The following SEC24D variants were observed in gnomAD, a reference collection of about 807,000 sequenced individuals.
SEC24D encodes protein transport protein Sec24D.
A neutral mutation model predicts 116.9 loss-of-function variants in SEC24D; 69 were observed. That is an observed-to-expected ratio of 0.59 (90% CI 0.49 to 0.72). The LOEUF is 0.72. SEC24D is among the 30% of genes least tolerant of loss of function. SEC24D has a pLI of 0.00. For missense variants in SEC24D, 1,131 were observed against 1,264.1 expected, an observed-to-expected ratio of 0.89 and a Z score of 1.60; for synonymous variants, 405 against 442.8, an observed-to-expected ratio of 0.91 and a Z score of 1.07.
At chr4:118,746,231 G>GGGCGGGAGGGAGGGCGGGCA (rs1726523429) in intron 13 of SEC24D, among the ~76,000 whole-genome samples, 1 of 114,486 alleles carries the variant, frequency 8.7e-6, no homozygotes, top group Non-Finnish European at 1.9e-5. Flanking sequence ...GGTTGGGGGA[G>GGGCGGGAGGGAGGGCGGGCA]GGAGGGAGGG....
At position 118,822,842 on chromosome 4, in the gene SEC24D, G is replaced by A. The variant is rs933179548; in HGVS notation, c.248+1778C>T. On this transcript the variant is annotated intron_variant, in intron 3 of 22. Transcript: ENST00000280551. ...CTCGTGTCAGCCTCCCAAAGTGTTGGGATTACAGATGTGAGCCACCACACC... is the reference window on the plus strand; with the variant it reads ...CTCGTGTCAGCCTCCCAAAGTGTTGAGATTACAGATGTGAGCCACCACACC... Among the ~76,000 whole-genome samples the A allele has an allele frequency of 4.7e-4, 72 of 152,004 alleles. 4 individuals are homozygous for A. Among genetic ancestry groups the A allele is most frequent in the Admixed American group, 2.0e-4 (3 of 15,264 alleles).
intron 8 of SEC24D, among the ~76,000 whole-genome samples, chr4:118,773,925 T>A (rs1728022829): frequency 6.6e-6 from 1 of 152,184 alleles, no homozygotes; most frequent in South Asian, 2.1e-4. Flanking sequence ...TAGAATTTTT[T>A]AAATACATGT....
chr4:118,817,147 T>C, intron 4 of SEC24D, 117 bp downstream of exon 4: 1 of 803,050 alleles, frequency 1.2e-6, no homozygotes, highest in East Asian at 2.6e-5. Context: ...AATGTCCAAA[T>C]ACTACTTCAA....
intron 10 of SEC24D, among the ~76,000 whole-genome samples, chr4:118,760,908 G>T (rs975485775): frequency 1.3e-4 from 20 of 151,524 alleles, no homozygotes; most frequent in Non-Finnish European, 2.2e-4. Flanking sequence ...TAGTAGAGAC[G>T]GGGTTTCACT....
intron 2 of SEC24D, chr4:118,825,301 T>C (rs938398909): frequency 5.4e-5 from 14 of 259,348 alleles, no homozygotes; most frequent in Non-Finnish European, 9.1e-5. Flanking sequence ...GGCTGGATGA[T>C]GAACAGCTGG....
At chr4:118,788,321 T>C (rs1578435673) in intron 8 of SEC24D, among the ~76,000 whole-genome samples, 1 of 152,226 alleles carries the variant, frequency 6.6e-6, no homozygotes, top group African/African-American at 2.4e-5. Flanking sequence ...TCTGGATTTA[T>C]GAGATAACAG....
intron 3 of SEC24D, among the ~76,000 whole-genome samples, chr4:118,823,156 A>G (rs964758181): frequency 5.3e-5 from 8 of 152,122 alleles, no homozygotes; most frequent in Non-Finnish European, 1.2e-4. Context: ...TTGCCTTTCT[A>G]TCACTCTTTT....
chr4:118,829,001 G>A (rs570812083), intron 2 of SEC24D, among the ~76,000 whole-genome samples: 4 of 152,098 alleles, frequency 2.6e-5, no homozygotes, highest in Non-Finnish European at 2.9e-5. Context: ...CATTCCCTCC[G>A]GGAAGGAGCC....
At chr4:118,780,270 A>C (rs1012446380) in intron 8 of SEC24D, among the ~76,000 whole-genome samples, 13 of 152,132 alleles carry the variant, frequency 8.5e-5, no homozygotes, top group African/African-American at 3.1e-4. Context: ...ACACTGCTTT[A>C]TATGTGTCCC....
chr4:118,729,169 T>C (rs1028076226), intron 21 of SEC24D: 1 of 152,490 alleles, frequency 6.6e-6, no homozygotes, highest in Non-Finnish European at 1.5e-5. Context: ...CAGGCTGGTC[T>C]TGAACGCCTG....
intron 10 of SEC24D, among the ~76,000 whole-genome samples, chr4:118,762,426 G>C (rs1422320522): frequency 6.6e-6 from 1 of 152,094 alleles, no homozygotes; most frequent in Non-Finnish European, 1.5e-5. Flanking sequence ...GCACCACATG[G>C]GTTCACCGTG....
intron 8 of SEC24D, among the ~76,000 whole-genome samples, chr4:118,783,795 T>C (rs1405788216): frequency 3.3e-5 from 5 of 152,208 alleles, no homozygotes; most frequent in Non-Finnish European, 7.4e-5. Flanking sequence ...TAGACACCTA[T>C]GGAAGCTATG....
At chr4:118,729,958 GTT>G (rs1170953601) in intron 21 of SEC24D, 1 of 152,156 alleles carries the variant, frequency 6.6e-6, no homozygotes, top group Non-Finnish European at 1.5e-5. Flanking sequence ...TCATGTATGT[GTT>G]TTAAAGTGCC....
At chr4:118,765,462 C>A (rs1425826828) in intron 9 of SEC24D, among the ~76,000 whole-genome samples, 1 of 152,164 alleles carries the variant, frequency 6.6e-6, no homozygotes, top group Admixed American at 6.5e-5. Flanking sequence ...AGCTAAGGAA[C>A]TTTAATTTGA....
intron 3 of SEC24D, among the ~76,000 whole-genome samples, chr4:118,820,732 T>C (rs929434905): frequency 6.6e-6 from 1 of 152,308 alleles, no homozygotes; most frequent in South Asian, 2.1e-4. Context: ...GTTTCTCATG[T>C]TGACTGCCTT....
In SEC24D at chr4:118,756,662, T is replaced by C. The variant is rs116512930; in HGVS notation, c.1421+1059A>G. ...GATTGTTGATGTTCAGGGAGACAGG[T>C]TGGGGGTGGGACACGTAGGGACTAG... On this transcript the variant is annotated intron_variant, in intron 11 of 22. Coordinates refer to ENST00000280551, the MANE Select transcript of SEC24D (RefSeq NM_014822.4). Among the ~76,000 whole-genome samples, 1,126 of 152,144 alleles carry C rather than the reference T, an allele frequency of 7.4e-3. 19 individuals carry two copies. The highest frequency in any genetic ancestry group is 0.026 in the African/African-American group (1,078 of 41,520).
At position 118,752,681 on chromosome 4, in the gene SEC24D, A is replaced by G. The variant is rs770356177; in HGVS notation, c.1613+16T>C. ...CACCTGATTTACTTTTAAATTATAA[A>G]ACACTTGATATTTACTTATGAATCA... is the stretch of plus-strand genomic sequence containing the variant. On this transcript the variant is annotated intron_variant, in intron 12 of 22. Coordinates refer to ENST00000280551, the MANE Select transcript of SEC24D (RefSeq NM_014822.4). 9 of 1,559,414 alleles carry G rather than the reference A, an allele frequency of 5.8e-6. No individual in the cohort carries two copies. In the African/African-American group the frequency reaches 8.3e-5, roughly 14 times the overall value.
At chr4:118,776,953 AG>A (rs1316890285) in intron 8 of SEC24D, among the ~76,000 whole-genome samples, 8 of 152,182 alleles carry the variant, frequency 5.3e-5, no homozygotes, top group Non-Finnish European at 1.0e-4. Context: ...AAAGATAAAA[AG>A]GGTTAAAAAT....
chr4:118,778,845 T>G (rs1728266041), intron 8 of SEC24D, among the ~76,000 whole-genome samples: 1 of 152,174 alleles, frequency 6.6e-6, no homozygotes, highest in African/African-American at 2.4e-5. Flanking sequence ...TTCCTAGGTA[T>G]TTTATTCTCT....
Sources: allele counts gnomAD v4.1 joint callset (sites outside exome capture counted in the v4.1 genomes callset), GRCh38; gene constraint gnomAD v4.1.1; transcripts MANE v1.5; gene names NCBI Gene and HGNC (gene_info 2026-07-23, HGNC 2026-07-21).